The following CRIM1 variants were observed in gnomAD, a reference collection of about 807,000 sequenced individuals.
CRIM1 encodes the protein cysteine-rich motor neuron 1 protein.
CRIM1 carries 32 observed loss-of-function variants against 116.4 expected under a neutral mutation model. That is an observed-to-expected ratio of 0.27 (90% CI 0.21 to 0.37). The LOEUF is 0.37. Among genes scored for constraint, CRIM1 ranks in the 10% least tolerant of loss-of-function variants. The pLI, the probability that CRIM1 is intolerant of heterozygous loss-of-function variation, is 1.00. For missense variants in CRIM1, 1,331 were observed against 1,354.8 expected, an observed-to-expected ratio of 0.98 and a Z score of 0.28; for synonymous variants, 590 against 509.2, an observed-to-expected ratio of 1.16 and a Z score of -2.13.
At chr2:36,488,299 G>A (rs921398912) in intron 7 of CRIM1, among the ~76,000 whole-genome samples, 3 of 152,148 alleles carry the variant, frequency 2.0e-5, no homozygotes, top group Non-Finnish European at 4.4e-5. Flanking sequence ...ATTAAAGAAC[G>A]CCTCTTGCGC....
At chr2:36,389,635 T>G (rs532803655) in intron 1 of CRIM1, among the ~76,000 whole-genome samples, 1 of 152,320 alleles carries the variant, frequency 6.6e-6, no homozygotes, top group African/African-American at 2.4e-5. Context: ...TGGAGTAAAC[T>G]CTATTAACCT....
chr2:36,489,647 T>G (rs1680082512), intron 7 of CRIM1, among the ~76,000 whole-genome samples: 1 of 152,240 alleles, frequency 6.6e-6, no homozygotes, highest in Non-Finnish European at 1.5e-5. Context: ...TTCCTAACAC[T>G]GAGATCTGCT....
intron 1 of CRIM1, among the ~76,000 whole-genome samples, chr2:36,370,296 T>C (rs992211652): frequency 6.6e-6 from 1 of 151,914 alleles, no homozygotes; most frequent in East Asian, 1.9e-4. Flanking sequence ...CAGCAGAAAT[T>C]TACAGTGAGA....
chr2:36,497,713 T>TA (rs1409524538), intron 7 of CRIM1, among the ~76,000 whole-genome samples: 1 of 152,254 alleles, frequency 6.6e-6, no homozygotes, highest in Non-Finnish European at 1.5e-5. Flanking sequence ...ACTCACTTGA[T>TA]ACATATTTTT....
chr2:36,468,793 G>A (rs1018180662), intron 5 of CRIM1, among the ~76,000 whole-genome samples: 1 of 152,144 alleles, frequency 6.6e-6, no homozygotes, highest in African/African-American at 2.4e-5. Context: ...CTCGTTCCTG[G>A]AGGCATTTGG....
chr2:36,359,451 A>G (rs1345791123), intron 1 of CRIM1, among the ~76,000 whole-genome samples: 1 of 152,216 alleles, frequency 6.6e-6, no homozygotes, highest in African/African-American at 2.4e-5. Flanking sequence ...GCAGTTCACA[A>G]AATGAGTTAG....
At chr2:36,534,543 G>C (rs1239651385) in intron 13 of CRIM1, among the ~76,000 whole-genome samples, 1 of 136,636 alleles carries the variant, frequency 7.3e-6, no homozygotes, top group African/African-American at 2.9e-5. Flanking sequence ...GAGGAAGGAA[G>C]GGAGAGAGGG....
intron 1 of CRIM1, among the ~76,000 whole-genome samples, chr2:36,395,971 A>G (rs2148376291): frequency 6.6e-6 from 1 of 152,202 alleles, no homozygotes; most frequent in East Asian, 1.9e-4. Context: ...TGTTTCCCAG[A>G]CCGGAATGCA....
chr2:36,529,421 G>T (rs1473972405), intron 13 of CRIM1: 2 of 219,506 alleles, frequency 9.1e-6, no homozygotes, highest in South Asian at 7.0e-5. Flanking sequence ...AAAAGAAGTT[G>T]TATTTCTTCC....
intron 8 of CRIM1, among the ~76,000 whole-genome samples, chr2:36,499,764 A>G (rs1485911325): frequency 6.6e-6 from 1 of 152,230 alleles, no homozygotes; most frequent in African/African-American, 2.4e-5. Context: ...GCCTCCATGC[A>G]GATTCCAATC....
At chr2:36,400,295 A>T (rs1672318230) in intron 2 of CRIM1, among the ~76,000 whole-genome samples, 1 of 152,174 alleles carries the variant, frequency 6.6e-6, no homozygotes, top group African/African-American at 2.4e-5. Flanking sequence ...ATTGGTTGTA[A>T]TGAGGGTTAG....
intron 2 of CRIM1, among the ~76,000 whole-genome samples, chr2:36,422,753 A>T: frequency 6.6e-6 from 1 of 152,242 alleles, no homozygotes; most frequent in East Asian, 1.9e-4. Flanking sequence ...CTTACGCTAT[A>T]ACTCCCTAAA....
At chr2:36,439,671 G>T (rs977180017) in intron 2 of CRIM1, among the ~76,000 whole-genome samples, 9 of 151,970 alleles carry the variant, frequency 5.9e-5, no homozygotes, top group African/African-American at 2.2e-4. Flanking sequence ...ACTCCTTCAA[G>T]TCTTTGTTCA....
At chr2:36,408,273 C>G (rs1206750402) in intron 2 of CRIM1, among the ~76,000 whole-genome samples, 1 of 152,218 alleles carries the variant, frequency 6.6e-6, no homozygotes, top group Non-Finnish European at 1.5e-5. Context: ...CTGACCTTAG[C>G]AGGGTGACAT....
At chr2:36,449,988 G>A (rs1223463909) in intron 4 of CRIM1, among the ~76,000 whole-genome samples, 1 of 152,040 alleles carries the variant, frequency 6.6e-6, no homozygotes, top group Non-Finnish European at 1.5e-5. Flanking sequence ...TAACAATTCA[G>A]TAAAATAGAT....
chr2:36,366,495 A>C (rs570072332), intron 1 of CRIM1, among the ~76,000 whole-genome samples: 2 of 152,290 alleles, frequency 1.3e-5, no homozygotes, highest in African/African-American at 4.8e-5. Context: ...ACAGTTTGCT[A>C]TTTGGAAATT....
intron 7 of CRIM1, among the ~76,000 whole-genome samples, chr2:36,493,275 A>T (rs1163796181): frequency 6.6e-6 from 1 of 151,422 alleles, no homozygotes; most frequent in East Asian, 1.9e-4. Context: ...ATAAAAAGGA[A>T]AAAAAAAAGC....
intron 1 of CRIM1, among the ~76,000 whole-genome samples, chr2:36,373,920 A>AC (rs1670120361): frequency 6.6e-6 from 1 of 152,180 alleles, no homozygotes; most frequent in African/African-American, 2.4e-5. Flanking sequence ...TTCCAACAGA[A>AC]CAAAAAAAAA....
At chr2:36,448,759 T>C (rs1056766498) in intron 4 of CRIM1, among the ~76,000 whole-genome samples, 2 of 152,234 alleles carry the variant, frequency 1.3e-5, no homozygotes, top group Non-Finnish European at 2.9e-5. Flanking sequence ...TTAAAAGTTA[T>C]TGAGAAAAGT....
Sources: allele counts gnomAD v4.1 joint callset (sites outside exome capture counted in the v4.1 genomes callset), GRCh38; gene constraint gnomAD v4.1.1; transcripts MANE v1.5; gene names NCBI Gene and HGNC (gene_info 2026-07-23, HGNC 2026-07-21).